RNF121: variants seen among roughly 807,000 people sequenced by gnomAD.
RNF121 encodes ring finger protein 121.
A neutral mutation model predicts 46.5 loss-of-function variants in RNF121; 21 were observed. That is an observed-to-expected ratio of 0.45 (90% confidence interval 0.32 to 0.65). The LOEUF (loss-of-function observed/expected upper bound fraction) is 0.65, where lower values mean the gene tolerates loss of function less well. Ranked by LOEUF, RNF121 falls within the 30% of genes least tolerant of loss-of-function variation. RNF121 has a pLI of 0.04. For missense variants in RNF121, 346 were observed against 416.0 expected, an observed-to-expected ratio of 0.83 and a Z score of 1.46; for synonymous variants, 139 against 144.7, an observed-to-expected ratio of 0.96 and a Z score of 0.28.
rs1391324505 is a variant in RNF121 at position 71,990,504 on chromosome 11, C to T, written c.507-93C>T. ...ACTTGCTCTAGCCTTTGGGCCTTCTCGCTTTGGGCCCTGCCTTGTGTGTCC... is the reference window on the plus strand; with the variant it reads ...ACTTGCTCTAGCCTTTGGGCCTTCTTGCTTTGGGCCCTGCCTTGTGTGTCC... On this transcript the variant is annotated intron_variant, in intron 5 of 8. Transcript: ENST00000361756. The T allele has an allele frequency of 1.8e-5, 27 of 1,498,754 alleles. No individual in the cohort carries two copies. In the Admixed American group the frequency reaches 2.7e-4, roughly 15 times the overall value. The allele number at this position is 1,498,754 out of a possible 1,614,324, so 92.8% of individuals were successfully genotyped here.
chr11:71,995,768 T>C (rs1954962491), intron 8 of RNF121, among the ~76,000 whole-genome samples: 1 of 152,216 alleles, frequency 6.6e-6, no homozygotes, highest in South Asian at 2.1e-4. Flanking sequence ...CTTGCAGCCA[T>C]TGTCACGGAT....
intron 5 of RNF121, 54 bp from the exon 6 acceptor site, chr11:71,990,543 C>T: frequency 6.3e-7 from 1 of 1,598,408 alleles, no homozygotes; most frequent in Non-Finnish European, 8.5e-7. Flanking sequence ...AGTAGTAATC[C>T]ATAGAAGATA....
rs144487188 is a variant in RNF121 at position 71,993,533 on chromosome 11, A to T, written c.628-1186A>T. ...AGTTCATCCATGTATAGAATGTATC[A>T]TTCCTTTATATGGCTGAATAGTATT... On this transcript the variant is annotated intron_variant, in intron 6 of 8. Transcript: ENST00000361756. Among the ~76,000 whole-genome samples, 463 of 152,284 alleles carry T rather than the reference A, an allele frequency of 3.0e-3. 7 individuals carry two copies. The highest frequency in any genetic ancestry group is 0.02 in the East Asian group (105 of 5,180).
intron 3 of RNF121, among the ~76,000 whole-genome samples, chr11:71,974,092 C>T (rs559732852): frequency 2.0e-5 from 3 of 152,144 alleles, no homozygotes; most frequent in Admixed American, 6.5e-5. Context: ...CAGGTGCCTG[C>T]CATCGTGTCT....
chr11:71,963,199 AGT>A (rs1167217061), intron 3 of RNF121, among the ~76,000 whole-genome samples: 5 of 152,140 alleles, frequency 3.3e-5, no homozygotes, highest in Admixed American at 2.6e-4. Flanking sequence ...ATGCATAAAC[AGT>A]TTTTAATTTT....
intron 3 of RNF121, among the ~76,000 whole-genome samples, chr11:71,968,730 C>T (rs1243099400): frequency 6.6e-6 from 1 of 152,080 alleles, no homozygotes; most frequent in African/African-American, 2.4e-5. Context: ...TGGGGCTGTG[C>T]TCAGTTATAT....
intron 3 of RNF121, among the ~76,000 whole-genome samples, chr11:71,965,350 A>G (rs1239931234): frequency 6.6e-6 from 1 of 151,798 alleles, no homozygotes; most frequent in Non-Finnish European, 1.5e-5. Context: ...TCCTGGGCTC[A>G]AGGGATCCTC....
chr11:71,983,990 A>G (rs967799846), intron 4 of RNF121, among the ~76,000 whole-genome samples: 2 of 152,144 alleles, frequency 1.3e-5, no homozygotes, highest in Non-Finnish European at 2.9e-5. Flanking sequence ...TTGGTAGTTT[A>G]CTTTAAAGGC....
chr11:71,987,125 G>A lies in RNF121; in HGVS notation c.506+14G>A, dbSNP rs1954787284. 1.3e-6 allele frequency: 2 copies of A among 1,535,632 alleles called. No homozygotes were observed. Among genetic ancestry groups the A allele is most frequent in the East Asian group, 4.5e-5 (2 of 44,480 alleles). On this transcript the variant is annotated intron_variant, in intron 5 of 8. Coordinates refer to ENST00000361756, the MANE Select transcript of RNF121 (RefSeq NM_018320.5). ...CTTATTATTCAAGTGAGTACCCTTT[G>A]TTTTTGTTTTTGCTGGAGTTTGGGG...
At chr11:71,971,015 T>G (rs1383128725) in intron 3 of RNF121, among the ~76,000 whole-genome samples, 1 of 152,228 alleles carries the variant, frequency 6.6e-6, no homozygotes, top group Non-Finnish European at 1.5e-5. Context: ...ACTAGATTTG[T>G]ACATAATACT....
intron 1 of RNF121, among the ~76,000 whole-genome samples, chr11:71,937,002 A>G (rs1216826047): frequency 1.3e-5 from 2 of 152,210 alleles, no homozygotes; most frequent in Non-Finnish European, 2.9e-5. Flanking sequence ...TGGCATGCCT[A>G]CTATCTGTTC....
intron 5 of RNF121, among the ~76,000 whole-genome samples, chr11:71,987,743 A>G (rs905696380): frequency 2.0e-5 from 3 of 152,222 alleles, no homozygotes; most frequent in Admixed American, 2.0e-4. Context: ...TAGACCGTCT[A>G]CCTACATGAC....
At chr11:71,958,716 A>G (rs1021408967) in intron 2 of RNF121, among the ~76,000 whole-genome samples, 2 of 152,166 alleles carry the variant, frequency 1.3e-5, no homozygotes, top group Non-Finnish European at 2.9e-5. Context: ...AAAAAATAAT[A>G]TATGTATATG....
chr11:71,933,287 A>G (rs7924834), intron 1 of RNF121, among the ~76,000 whole-genome samples: 140,086 of 152,238 alleles, frequency 0.92, 64,755 homozygotes, highest in Non-Finnish European at 0.98. Context: ...CTCAAGTCCT[A>G]TTTATCTGCC....
intron 3 of RNF121, among the ~76,000 whole-genome samples, chr11:71,966,757 G>T (rs1419599656): frequency 1.3e-5 from 2 of 151,860 alleles, no homozygotes; most frequent in African/African-American, 4.8e-5. Flanking sequence ...CCAAAGTGTT[G>T]GGATTATAGC....
chr11:71,994,645 G>C lies in RNF121; in HGVS notation c.628-74G>C, dbSNP rs1433347081. 3.8e-6 allele frequency: 6 copies of C among 1,585,674 alleles called. No individual in the cohort carries two copies. The East Asian group carries it at 1.1e-4, about 30-fold the overall frequency. ...GTGCCTCTTCTCTAGAAGGCCTGAG[G>C]TCTCTGTGGAGCTTCCTACTTTGGC... On this transcript the variant is annotated intron_variant, in intron 6 of 8. Coordinates refer to ENST00000361756, the MANE Select transcript of RNF121 (RefSeq NM_018320.5).
intron 3 of RNF121, among the ~76,000 whole-genome samples, chr11:71,977,003 G>A (rs956995199): frequency 3.3e-5 from 5 of 152,134 alleles, no homozygotes; most frequent in Admixed American, 2.6e-4. Flanking sequence ...GGTTCTTTGT[G>A]TTTTCTTCCA....
intron 3 of RNF121, among the ~76,000 whole-genome samples, chr11:71,963,614 T>G (rs1282833073): frequency 6.6e-6 from 1 of 151,600 alleles, no homozygotes; most frequent in African/African-American, 2.4e-5. Context: ...GCAAGACTCC[T>G]TCCCAAAAAA....
intron 3 of RNF121, among the ~76,000 whole-genome samples, chr11:71,975,055 A>G (rs1954501266): frequency 6.6e-6 from 1 of 152,182 alleles, no homozygotes; most frequent in African/African-American, 2.4e-5. Flanking sequence ...TGTGTCTACT[A>G]CCAAATATAG....
Sources: allele counts gnomAD v4.1 joint callset (sites outside exome capture counted in the v4.1 genomes callset), GRCh38; gene constraint gnomAD v4.1.1; transcripts MANE v1.5; gene names NCBI Gene and HGNC (gene_info 2026-07-23, HGNC 2026-07-21).